The following FBXW2 variants were observed in gnomAD, a reference collection of about 807,000 sequenced individuals.
The protein encoded by FBXW2 is F-box and WD repeat domain containing 2.
A neutral mutation model predicts 46.0 loss-of-function variants in FBXW2; 12 were observed. That is an observed-to-expected ratio of 0.26 (90% CI 0.17 to 0.42). The LOEUF (loss-of-function observed/expected upper bound fraction) is 0.42, where lower values mean the gene tolerates loss of function less well. FBXW2 is among the 10% of genes least tolerant of loss of function. The pLI is 1.00. For missense variants in FBXW2, 360 were observed against 537.0 expected (o/e 0.67, Z 3.26); for synonymous variants, 203 against 209.6 (o/e 0.97, Z 0.27).
Position 120,764,274 on chromosome 9 carries a change from C to G in FBXW2, c.*285G>C, listed in dbSNP as rs2044235869. ...CTTTACTTAAAACCAATACTCCACTCAAGAAAGATGAACCCAAAATGCATC... is the reference window on the plus strand; with the variant it reads ...CTTTACTTAAAACCAATACTCCACTGAAGAAAGATGAACCCAAAATGCATC... On this transcript the variant is annotated 3_prime_UTR_variant, in exon 8 of 8. Coordinates refer to ENST00000608872, the MANE Select transcript of FBXW2 (RefSeq NM_012164.4). 1 of 420,120 alleles carries G rather than the reference C, an allele frequency of 2.4e-6. No homozygotes were observed. The highest frequency in any genetic ancestry group is 1.0e-4 in the South Asian group (1 of 9,530). 26.0% of individuals were successfully genotyped at this position (420,120 alleles called of 1,614,324 possible).
At chr9:120,784,315 T>A (rs2044674361) in intron 3 of FBXW2, among the ~76,000 whole-genome samples, 1 of 152,158 alleles carries the variant, frequency 6.6e-6, no homozygotes, top group South Asian at 2.1e-4. Context: ...GAAAAAAACT[T>A]TTTAAAGCAA....
In FBXW2 at chr9:120,758,766, AG is replaced by A. The variant is rs1264965313; in HGVS notation, c.*5792del. 4 of 152,192 alleles carry A rather than the reference AG, an allele frequency of 2.6e-5. No homozygotes were observed. The highest frequency in any genetic ancestry group is 9.7e-5 in the African/African-American group (4 of 41,448). 9.4% of individuals were successfully genotyped at this position (152,192 alleles called of 1,614,324 possible). A position where few individuals can be genotyped will look rare whatever the true frequency, so the allele number is the denominator to read the frequency against. ...GATGCTGTCAGGGGATCAAAGGTGC[AG>A]GGCCGTGGTACTCAAATGACAAGAA... On this transcript the variant is annotated 3_prime_UTR_variant, in exon 8 of 8. Coordinates refer to ENST00000608872, the MANE Select transcript of FBXW2 (RefSeq NM_012164.4).
In FBXW2 at chr9:120,764,363, G is replaced by A; in HGVS notation, c.*196C>T. ...CAATGGTGTACCCCATTAGCATGCT[G>A]CGTTGTATGTCAATAAAACAAGCCC... On this transcript the variant is annotated 3_prime_UTR_variant, in exon 8 of 8. Transcript: ENST00000608872. 1.7e-6 allele frequency: 1 copy of A among 589,740 alleles called. No homozygotes were observed. Among genetic ancestry groups the A allele is most frequent in the Non-Finnish European group, 3.0e-6 (1 of 332,810 alleles). The allele number at this position is 589,740 out of a possible 1,614,324, so 36.5% of individuals were successfully genotyped here.
chr9:120,764,679 G>T lies in FBXW2; in HGVS notation c.1245C>A (p.Phe415Leu). The change falls in exon 8 of 8, where the codon TTC (phenylalanine) becomes TTA (leucine). Residue 415 changes from phenylalanine (F) to leucine (L), a missense_variant. Phe to Leu is a conservative substitution (Grantham distance 22). Coordinates refer to ENST00000608872, the MANE Select transcript of FBXW2 (RefSeq NM_012164.4). Reference sequence around the variant, plus strand: ...TCAGCCAGGATGCTTCGCCTGCCAGGAAGCTTGAGCCTCTCTTTGATTTCC... The same window carrying T: ...TCAGCCAGGATGCTTCGCCTGCCAGTAAGCTTGAGCCTCTCTTTGATTTCC... ...EYRKSKRGSS[F>L]LAGEASWLNG... The T allele has an allele frequency of 6.2e-7, 1 of 1,614,208 alleles. No homozygotes were observed. Among genetic ancestry groups the T allele is most frequent in the Non-Finnish European group, 8.5e-7 (1 of 1,180,046 alleles).
chr9:120,793,138 G>A lies in FBXW2; in HGVS notation c.-21+11C>T. 1 of 655,574 alleles carries A rather than the reference G, an allele frequency of 1.5e-6. No homozygotes were observed. The highest frequency in any genetic ancestry group is 1.8e-5 in the African/African-American group (1 of 55,432). The allele number at this position is 655,574 out of a possible 1,614,324, so 40.6% of individuals were successfully genotyped here. A position where few individuals can be genotyped will look rare whatever the true frequency, so the allele number is the denominator to read the frequency against. ...CCTTGCTCTCGGAATCGTGTTCCGCGCGGCACTGACCTGAGCGAGCGCCCC... is the reference window on the plus strand; with the variant it reads ...CCTTGCTCTCGGAATCGTGTTCCGCACGGCACTGACCTGAGCGAGCGCCCC... On this transcript the variant is annotated intron_variant, in intron 2 of 7. Transcript: ENST00000608872.
In FBXW2 at chr9:120,757,057, T is replaced by C. The variant is rs149915068; in HGVS notation, c.*7502A>G. 108 of 152,318 alleles carry C rather than the reference T, an allele frequency of 7.1e-4. No individual in the cohort carries two copies. The highest frequency in any genetic ancestry group is 2.4e-3 in the African/African-American group (99 of 41,582). The allele number at this position is 152,318 out of a possible 1,614,324, so 9.4% of individuals were successfully genotyped here. A position where few individuals can be genotyped will look rare whatever the true frequency, so the allele number is the denominator to read the frequency against. On this transcript the variant is annotated 3_prime_UTR_variant, in exon 8 of 8. Coordinates refer to ENST00000608872, the MANE Select transcript of FBXW2 (RefSeq NM_012164.4). The stretch of plus-strand genomic sequence containing the variant: ...AGCCATAATTCATCTCGACCAATGA[T>C]TTCACAAGTATTTGAAAGTGTAATG...
chr9:120,787,757 A>C lies in FBXW2; in HGVS notation c.490+12T>G. ...AAAACAAAACCCAAAAAGCAGTTTCAACATCTCTTACCTGTACAGAGAAGT... is the reference window on the plus strand; with the variant it reads ...AAAACAAAACCCAAAAAGCAGTTTCCACATCTCTTACCTGTACAGAGAAGT... On this transcript the variant is annotated intron_variant, in intron 3 of 7. Transcript: ENST00000608872. The C allele has an allele frequency of 1.3e-6, 2 of 1,589,974 alleles. No individual in the cohort carries two copies. The highest frequency in any genetic ancestry group is 1.7e-6 in the Non-Finnish European group (2 of 1,170,982).
chr9:120,758,611 T>C lies in FBXW2; in HGVS notation c.*5948A>G, dbSNP rs928097633. Reference sequence around the variant, plus strand: ...GACAAACATGAAAACATGGAAAAAATCCAGGTGTGTGGGGGCTGAAAATCA... The same window carrying C: ...GACAAACATGAAAACATGGAAAAAACCCAGGTGTGTGGGGGCTGAAAATCA... On this transcript the variant is annotated 3_prime_UTR_variant, in exon 8 of 8. Transcript: ENST00000608872. 2.0e-5 allele frequency: 3 copies of C among 152,000 alleles called. No individual in the cohort carries two copies. In the East Asian group the frequency reaches 5.8e-4, roughly 29 times the overall value. 9.4% of individuals were successfully genotyped at this position (152,000 alleles called of 1,614,324 possible). A position where few individuals can be genotyped will look rare whatever the true frequency, so the allele number is the denominator to read the frequency against.
intron 6 of FBXW2, 101 bp downstream of exon 6, chr9:120,772,653 C>A: frequency 1.4e-6 from 1 of 717,572 alleles, no homozygotes; most frequent in Non-Finnish European, 2.2e-6. Context: ...GACACTCCCC[C>A]TCCTCTTCCT....
At chr9:120,784,548 A>C (rs953946520) in intron 3 of FBXW2, among the ~76,000 whole-genome samples, 4 of 151,838 alleles carry the variant, frequency 2.6e-5, no homozygotes, top group Admixed American at 1.3e-4. Flanking sequence ...CAGGAGGTGG[A>C]GGTTGAAGAA....
At chr9:120,784,333 T>C (rs552034497) in intron 3 of FBXW2, among the ~76,000 whole-genome samples, 1 of 152,270 alleles carries the variant, frequency 6.6e-6, no homozygotes, top group East Asian at 1.9e-4. Flanking sequence ...CAAGAGGACC[T>C]AGGCATAGTG....
chr9:120,792,917 G>C (rs1197370075), intron 2 of FBXW2: 13 of 1,528,098 alleles, frequency 8.5e-6, no homozygotes, highest in Non-Finnish European at 9.6e-6. Context: ...CAATTATGGC[G>C]CAGTATAGCG....
intron 5 of FBXW2, among the ~76,000 whole-genome samples, chr9:120,775,881 TG>T (rs1245144417): frequency 2.6e-5 from 4 of 152,208 alleles, no homozygotes; most frequent in Admixed American, 6.5e-5. Flanking sequence ...TAATATATTG[TG>T]GGCAACTTTC....
rs374783988 is a variant in FBXW2, at chr9:120,771,351, A to G, written c.1073T>C (p.Leu358Pro). 5 of 1,609,082 alleles carry G rather than the reference A, an allele frequency of 3.1e-6. No homozygotes were observed. In the African/African-American group the frequency reaches 6.7e-5, roughly 22 times the overall value. The change falls in exon 7 of 8, where the codon CTC becomes CCC. Residue 358 changes from leucine to proline, a missense_variant. Transcript: ENST00000608872. ...GTGAGGTCGAAGGAAACATTACCTG[A>G]GAATATCATAACTGGCAAAGTCCCA... Reference protein sequence around the residue: ...YQWDFASYDILRVIKTPEIAN... With the variant: ...YQWDFASYDIPRVIKTPEIAN...
At position 120,762,450 on chromosome 9, in the gene FBXW2, A is replaced by G. The variant is rs528771105; in HGVS notation, c.*2109T>C. 1 of 152,258 alleles carries G rather than the reference A, an allele frequency of 6.6e-6. No individual in the cohort carries two copies. The highest frequency in any genetic ancestry group is 1.5e-5 in the Non-Finnish European group (1 of 68,048). The allele number at this position is 152,258 out of a possible 1,614,324, so 9.4% of individuals were successfully genotyped here. A position where few individuals can be genotyped will look rare whatever the true frequency, so the allele number is the denominator to read the frequency against. ...CAGTTGTGATTCCGGTTCTATTTCT[A>G]GAGTACTAAGCAGAGCTGATGCACA... On this transcript the variant is annotated 3_prime_UTR_variant, in exon 8 of 8. Transcript: ENST00000608872.
intron 7 of FBXW2, 122 bp downstream of exon 7, chr9:120,771,226 A>T (rs1220051096): frequency 2.8e-5 from 22 of 790,018 alleles, no homozygotes; most frequent in Non-Finnish European, 3.0e-5. Context: ...TTTACAAGTG[A>T]TACAGTATAC....
At chr9:120,771,953 G>A (rs1251197220) in intron 6 of FBXW2, among the ~76,000 whole-genome samples, 1 of 151,436 alleles carries the variant, frequency 6.6e-6, no homozygotes, top group Non-Finnish European at 1.5e-5. Context: ...CAGCTACTTG[G>A]GAGGCTGAAG....
In FBXW2 at chr9:120,774,299, T is replaced by C. The variant is rs1197643053; in HGVS notation, c.820-1459A>G. On this transcript the variant is annotated intron_variant, in intron 5 of 7. Transcript: ENST00000608872. ...CTGCAGTGAGCCGAGATCGTGCCAC[T>C]GCACTCCAGCCTGCGCAACAAGAGT... 2.9e-5 allele frequency among the ~76,000 whole-genome samples: 4 copies of C among 139,306 alleles called. No homozygotes were observed. In the East Asian group the frequency reaches 6.3e-4, roughly 22 times the overall value. The allele number at this position is 139,306 out of a possible 152,430, so 91.4% of individuals were successfully genotyped here. A position where few individuals can be genotyped will look rare whatever the true frequency, so the allele number is the denominator to read the frequency against.
intron 3 of FBXW2, among the ~76,000 whole-genome samples, chr9:120,787,352 C>T (rs964048634): frequency 1.3e-5 from 2 of 152,148 alleles, no homozygotes; most frequent in African/African-American, 2.4e-5. Flanking sequence ...TTTAAAGATA[C>T]AGAGAGGTTA....
Sources: gnomAD v4.1 joint callset for allele counts (sites outside exome capture counted in the v4.1 genomes callset) on GRCh38, gnomAD v4.1.1 for gene constraint, MANE v1.5 for transcripts, NCBI Gene and HGNC (gene_info 2026-07-23, HGNC 2026-07-21) for gene names.